The following CDH7 variants were observed in gnomAD, a reference collection of about 807,000 sequenced individuals.
The protein encoded by CDH7 is cadherin 7, also known as cadherin-7.
A neutral mutation model predicts 71.8 loss-of-function variants in CDH7; 25 were observed. The observed-to-expected ratio is 0.35, with a 90% confidence interval of 0.25 to 0.49. The LOEUF (loss-of-function observed/expected upper bound fraction) is 0.49. CDH7 is among the 20% of genes least tolerant of loss of function. The probability of loss-of-function intolerance (pLI) is 0.99; values close to 1 mark genes in which losing one functional copy is unlikely to be tolerated. For missense variants in CDH7, 862 were observed against 974.6 expected, an observed-to-expected ratio of 0.88 and a Z score of 1.54; for synonymous variants, 381 against 363.8, an observed-to-expected ratio of 1.05 and a Z score of -0.54.
At chr18:65,855,111 G>A (rs1325903409) in intron 7 of CDH7, among the ~76,000 whole-genome samples, 1 of 151,908 alleles carries the variant, frequency 6.6e-6, no homozygotes, top group Non-Finnish European at 1.5e-5. Context: ...TGAGTATACA[G>A]AGTATCTCCA....
chr18:65,806,046 G>T (rs1238529583), intron 2 of CDH7, among the ~76,000 whole-genome samples: 9 of 152,138 alleles, frequency 5.9e-5, no homozygotes. Context: ...CTATCAAGCA[G>T]GGCCTGATGG....
In CDH7 at chr18:65,887,934, A is replaced by T. The variant is rs966196197; in HGVS notation, c.*7040A>T. On this transcript the variant is annotated 3_prime_UTR_variant, in exon 12 of 12. Coordinates refer to ENST00000397968, the MANE Select transcript of CDH7 (RefSeq NM_004361.5). ...CCATTATAATTACATTAAAAAGAAA[A>T]CCACTTTTATAATATTTTTGCTTAT... The T allele has an allele frequency of 2.0e-5, 3 of 152,138 alleles. No homozygotes were observed. The highest frequency in any genetic ancestry group is 4.4e-5 in the Non-Finnish European group (3 of 68,016). The allele number at this position is 152,138 out of a possible 1,614,324, so 9.4% of individuals were successfully genotyped here.
intron 2 of CDH7, among the ~76,000 whole-genome samples, chr18:65,793,563 C>T (rs969546538): frequency 1.2e-4 from 19 of 152,226 alleles, no homozygotes; most frequent in African/African-American, 4.3e-4. Context: ...GTCTGTAGAT[C>T]GGATCTCAAA....
chr18:65,853,912 T>TATATATATATATATATATATATCC (rs1913238401), intron 7 of CDH7, among the ~76,000 whole-genome samples: 1 of 29,440 alleles, frequency 3.4e-5, no homozygotes, highest in African/African-American at 2.5e-4. Flanking sequence ...TTACCATATA[T>TATATATATATATATATATATATCC]ATATATATAT....
chr18:65,817,598 T>C (rs906972412), intron 4 of CDH7, among the ~76,000 whole-genome samples: 3 of 152,198 alleles, frequency 2.0e-5, no homozygotes, highest in Non-Finnish European at 2.9e-5. Context: ...CAGATTTTTA[T>C]CTTAAGTGTA....
At position 65,880,791 on chromosome 18, in the gene CDH7, G is replaced by T. The variant is rs1440115462; in HGVS notation, c.2255G>T (p.Ser752Ile). ...AESLSSLDSI[S>I]SNSDQNYDYL... is the part of the protein sequence containing the mutation. ...TCACTCAGCTCTTTAGATTCCATCA[G>T]CTCAAACTCTGATCAGAACTATGAC... is the stretch of plus-strand genomic sequence containing the variant. Residue 752 changes from serine to isoleucine, a missense_variant, in exon 12 of 12, where the codon AGC becomes ATC. Coordinates refer to ENST00000397968, the MANE Select transcript of CDH7 (RefSeq NM_004361.5). 1 of 1,614,136 alleles carries T rather than the reference G, an allele frequency of 6.2e-7. No homozygotes were observed. The highest frequency in any genetic ancestry group is 8.5e-7 in the Non-Finnish European group (1 of 1,180,022).
chr18:65,813,101 G>A (rs755254287), intron 3 of CDH7, among the ~76,000 whole-genome samples: 2 of 152,220 alleles, frequency 1.3e-5, no homozygotes, highest in Non-Finnish European at 2.9e-5. Context: ...GGGAGGCCAA[G>A]GTGGGCAGAT....
chr18:65,794,891 A>C (rs8091382), intron 2 of CDH7, among the ~76,000 whole-genome samples: 6,901 of 152,268 alleles, frequency 0.045, 532 homozygotes, highest in African/African-American at 0.16. Context: ...GGTAATGCCT[A>C]CCACAAAACT....
At chr18:65,844,174 G>GATATATATATATAGATATATAT (rs1912849933) in intron 7 of CDH7, 109 bp downstream of exon 7, 1 of 222,152 alleles carries the variant, frequency 4.5e-6, no homozygotes, top group African/African-American at 3.1e-5. Flanking sequence ...ATAAAAACCA[G>GATATATATATATAGATATATAT]ATATATATAT....
At chr18:65,780,949 G>A (rs1910162476) in intron 2 of CDH7, among the ~76,000 whole-genome samples, 1 of 133,828 alleles carries the variant, frequency 7.5e-6, no homozygotes, top group Non-Finnish European at 1.6e-5. Context: ...GGAGAAAATA[G>A]GAGGATTTTT....
intron 10 of CDH7, among the ~76,000 whole-genome samples, chr18:65,862,158 C>T (rs1012407849): frequency 2.6e-5 from 4 of 151,986 alleles, no homozygotes; most frequent in Admixed American, 2.6e-4. Flanking sequence ...CGATAAAATT[C>T]TTCTGAATAT....
intron 11 of CDH7, among the ~76,000 whole-genome samples, chr18:65,872,006 T>C (rs540307146): frequency 1.3e-5 from 2 of 152,258 alleles, no homozygotes; most frequent in African/African-American, 2.4e-5. Context: ...AAACCGAGTA[T>C]GGAACTTGAG....
At chr18:65,871,503 G>A (rs1913925405) in intron 11 of CDH7, among the ~76,000 whole-genome samples, 1 of 152,130 alleles carries the variant, frequency 6.6e-6, no homozygotes, top group East Asian at 1.9e-4. Context: ...GGGACTTGAG[G>A]CATATTCTTG....
chr18:65,827,069 T>A (rs1912158460), intron 6 of CDH7, among the ~76,000 whole-genome samples: 2 of 151,848 alleles, frequency 1.3e-5, no homozygotes, highest in African/African-American at 4.8e-5. Flanking sequence ...TAAAAATCAA[T>A]CATTAGTTAT....
At chr18:65,814,333 A>AAATACT in intron 3 of CDH7, 152 bp from the exon 4 acceptor site, 1 of 774,514 alleles carries the variant, frequency 1.3e-6, no homozygotes, top group Non-Finnish European at 2.2e-6. Context: ...GGTTTACTTA[A>AAATACT]AAAAATACTG....
intron 11 of CDH7, among the ~76,000 whole-genome samples, chr18:65,874,564 G>A: frequency 6.6e-6 from 1 of 151,974 alleles, no homozygotes; most frequent in East Asian, 1.9e-4. Context: ...ACTACCTGTT[G>A]AGTACAGTGT....
chr18:65,764,090 T>TAGG (rs1916283964), intron 2 of CDH7, among the ~76,000 whole-genome samples: 1 of 152,118 alleles, frequency 6.6e-6, no homozygotes, highest in African/African-American at 2.4e-5. Context: ...ACCTACTGAA[T>TAGG]TTATCTATAA....
At chr18:65,804,049 A>G (rs1196590566) in intron 2 of CDH7, among the ~76,000 whole-genome samples, 4 of 152,310 alleles carry the variant, frequency 2.6e-5, no homozygotes, top group African/African-American at 9.6e-5. Flanking sequence ...GTCAGTGAGC[A>G]TCACAGAGGT....
At position 65,887,079 on chromosome 18, in the gene CDH7, G is replaced by A. The variant is rs1345898771; in HGVS notation, c.*6185G>A. On this transcript the variant is annotated 3_prime_UTR_variant, in exon 12 of 12. Transcript: ENST00000397968. ...CATACTTTCATTCAAAAACAAACTTGCATTTTCATTTTATTAATGAATATA... is the reference window on the plus strand; with the variant it reads ...CATACTTTCATTCAAAAACAAACTTACATTTTCATTTTATTAATGAATATA... The A allele has an allele frequency of 6.6e-6, 1 of 151,864 alleles. No individual in the cohort carries two copies. The highest frequency in any genetic ancestry group is 1.5e-5 in the Non-Finnish European group (1 of 67,948). 9.4% of individuals were successfully genotyped at this position (151,864 alleles called of 1,614,324 possible). A position where few individuals can be genotyped will look rare whatever the true frequency, so the allele number is the denominator to read the frequency against.
Sources: gnomAD v4.1 joint callset for allele counts (sites outside exome capture counted in the v4.1 genomes callset) on GRCh38, gnomAD v4.1.1 for gene constraint, MANE v1.5 for transcripts, NCBI Gene and HGNC (gene_info 2026-07-23, HGNC 2026-07-21) for gene names.